The following EYA1 variants were observed in gnomAD, a reference collection of about 807,000 sequenced individuals.
EYA1 encodes the protein protein phosphatase EYA1.
A neutral mutation model predicts 82.0 loss-of-function variants in EYA1; 16 were observed. That is an observed-to-expected ratio of 0.20 (90% CI 0.13 to 0.30). The LOEUF (loss-of-function observed/expected upper bound fraction) is 0.30. Among genes scored for constraint, EYA1 ranks in the 10% least tolerant of loss-of-function variants. The pLI is 1.00. For synonymous variants in EYA1, 261 were observed against 264.4 expected (o/e 0.99, Z 0.12); for missense variants, 633 against 730.7 (o/e 0.87, Z 1.54).
At chr8:71,520,417 A>C (rs1181414758) in intron 2 of EYA1, among the ~76,000 whole-genome samples, 2 of 152,202 alleles carry the variant, frequency 1.3e-5, no homozygotes, top group Non-Finnish European at 2.9e-5. Flanking sequence ...GCAAAAAAGA[A>C]AATAAACTTC....
rs566996070 is a variant in EYA1, at chr8:71,420,273, A to G, written c.34-63762T>C. Among the ~76,000 whole-genome samples, 202 of 152,334 alleles carry G rather than the reference A, an allele frequency of 1.3e-3. 2 individuals carry two copies. Among genetic ancestry groups the G allele is most frequent in the African/African-American group, 4.7e-3 (197 of 41,582 alleles). On this transcript the variant is annotated intron_variant, in intron 2 of 18. Coordinates refer to the EYA1 transcript ENST00000643681. ...TACTATACTGAAGAAAGTAATTCAC[A>G]TGGGTGCATGCATTATTTAATGAAT...
At chr8:71,287,550 A>G (rs567923542) in intron 9 of EYA1, among the ~76,000 whole-genome samples, 125 of 152,338 alleles carry the variant, frequency 8.2e-4, no homozygotes, top group Non-Finnish European at 5.0e-4. Context: ...ATCTCTGGAT[A>G]ACCTGGTAGA....
chr8:71,281,621 G>C (rs979506057), intron 9 of EYA1, among the ~76,000 whole-genome samples: 1 of 152,222 alleles, frequency 6.6e-6, no homozygotes. Context: ...TGTGATTCTT[G>C]CATCACTGGG....
At chr8:71,503,127 C>T (rs1276934147) in intron 2 of EYA1, among the ~76,000 whole-genome samples, 1 of 152,032 alleles carries the variant, frequency 6.6e-6, no homozygotes, top group Non-Finnish European at 1.5e-5. Flanking sequence ...TCCTGACTTA[C>T]AGGGGCCTTT....
At chr8:71,513,805 A>C (rs1295650839) in intron 2 of EYA1, among the ~76,000 whole-genome samples, 1 of 151,854 alleles carries the variant, frequency 6.6e-6, no homozygotes, top group Non-Finnish European at 1.5e-5. Context: ...AGTTCAATTA[A>C]TTTGATTTTT....
At chr8:71,331,285 C>CAT (rs1554554475) in intron 4 of EYA1, among the ~76,000 whole-genome samples, 4,991 of 126,818 alleles carry the variant, frequency 0.039, 151 homozygotes, top group Middle Eastern at 0.061. Flanking sequence ...CACACACACA[C>CAT]ATATATATAC....
At chr8:71,290,447 G>A (rs962074902) in intron 9 of EYA1, among the ~76,000 whole-genome samples, 7 of 152,054 alleles carry the variant, frequency 4.6e-5, no homozygotes, top group African/African-American at 1.7e-4. Context: ...GTTTGGGAGG[G>A]TTAATAAACT....
At chr8:71,508,093 C>T (rs920410405) in intron 2 of EYA1, among the ~76,000 whole-genome samples, 3 of 152,196 alleles carry the variant, frequency 2.0e-5, no homozygotes, top group Non-Finnish European at 4.4e-5. Context: ...TAATGCCACT[C>T]ACTACCCAAG....
At position 71,299,706 on chromosome 8, in the gene EYA1, T is replaced by A. The variant is rs1418597577; in HGVS notation, c.571A>T (p.Thr191Ser). 2 of 1,554,954 alleles carry A rather than the reference T, an allele frequency of 1.3e-6. No homozygotes were observed. Among genetic ancestry groups the A allele is most frequent in the Non-Finnish European group, 1.8e-6 (2 of 1,127,364 alleles). ...SYQMQGSSFT[T>S]SSGIYTGNNS... is the part of the protein sequence containing the mutation. The stretch of plus-strand genomic sequence containing the variant: ...TTTCCTGTATATATTCCTGATGATG[T>A]TGTAAAACTGCTACCTAAAACAAAA... The change falls in exon 8 of 18, where the codon ACA (threonine) becomes TCA (serine). Residue 191 changes from threonine to serine, a missense_variant. Physicochemically the swap from Thr to Ser is moderately conservative, Grantham distance 58. Coordinates refer to ENST00000340726, the MANE Select transcript of EYA1 (RefSeq NM_000503.6).
chr8:71,335,768 G>A (rs1824412434), intron 3 of EYA1, among the ~76,000 whole-genome samples: 1 of 151,878 alleles, frequency 6.6e-6, no homozygotes, highest in African/African-American at 2.4e-5. Flanking sequence ...TTCTTACTTA[G>A]CTGTCCACAT....
intron 2 of EYA1, among the ~76,000 whole-genome samples, chr8:71,392,026 C>T (rs111454204): frequency 7.7e-4 from 107 of 139,706 alleles, no homozygotes; most frequent in African/African-American, 2.8e-3. Flanking sequence ...TGGGGCCTGC[C>T]CTTGAGTCAA....
intron 2 of EYA1, among the ~76,000 whole-genome samples, chr8:71,396,359 T>C (rs903263980): frequency 6.6e-6 from 1 of 152,150 alleles, no homozygotes; most frequent in Non-Finnish European, 1.5e-5. Flanking sequence ...GCTCTTGCTT[T>C]TCTAGTTCTT....
In EYA1 at chr8:71,271,911, G is replaced by A. The variant is rs1326308490; in HGVS notation, c.827-14C>T. The A allele has an allele frequency of 6.2e-7, 1 of 1,613,996 alleles. No individual in the cohort carries two copies. The highest frequency in any genetic ancestry group is 8.5e-7 in the Non-Finnish European group (1 of 1,179,978). Reference sequence around the variant, plus strand: ...TTGTGCTGTACTCTGCAGGAATATAGGAAGGACTTTCATCTTTTATTTCCA... The same window carrying A: ...TTGTGCTGTACTCTGCAGGAATATAAGAAGGACTTTCATCTTTTATTTCCA... On this transcript the variant is annotated splice_polypyrimidine_tract_variant and intron_variant, in intron 9 of 17. Coordinates refer to ENST00000340726, the MANE Select transcript of EYA1 (RefSeq NM_000503.6).
intron 2 of EYA1, among the ~76,000 whole-genome samples, chr8:71,400,397 T>C (rs1216699165): frequency 3.3e-5 from 5 of 151,996 alleles, no homozygotes; most frequent in African/African-American, 1.2e-4. Flanking sequence ...AATCTACCAG[T>C]CTGACAAAGG....
chr8:71,322,510 A>G, intron 4 of EYA1: 1 of 517,368 alleles, frequency 1.9e-6, no homozygotes, highest in Non-Finnish European at 3.5e-6. Flanking sequence ...AGAAAACGTC[A>G]TCACAATCTT....
At chr8:71,277,250 A>T (rs1483893856) in intron 9 of EYA1, among the ~76,000 whole-genome samples, 1 of 150,220 alleles carries the variant, frequency 6.7e-6, no homozygotes, top group Non-Finnish European at 1.5e-5. Context: ...GGGACCTGCA[A>T]TATATATCTC....
chr8:71,266,992 A>G (rs1347289910), intron 11 of EYA1, among the ~76,000 whole-genome samples: 1 of 152,192 alleles, frequency 6.6e-6, no homozygotes, highest in Non-Finnish European at 1.5e-5. Context: ...CAGAGTCCAA[A>G]TAATTCTTTC....
chr8:71,471,678 C>T (rs1273234084), intron 2 of EYA1, among the ~76,000 whole-genome samples: 1 of 152,072 alleles, frequency 6.6e-6, no homozygotes, highest in Non-Finnish European at 1.5e-5. Flanking sequence ...GCACATTCCT[C>T]ACAGCATGGA....
intron 2 of EYA1, among the ~76,000 whole-genome samples, chr8:71,534,101 T>C (rs1283714443): frequency 6.6e-6 from 1 of 152,246 alleles, no homozygotes; most frequent in Non-Finnish European, 1.5e-5. Context: ...GAAACATTAT[T>C]GGCAGTATTT....
Sources: gnomAD v4.1 joint callset for allele counts (sites outside exome capture counted in the v4.1 genomes callset) on GRCh38, gnomAD v4.1.1 for gene constraint, MANE v1.5 for transcripts, NCBI Gene and HGNC (gene_info 2026-07-23, HGNC 2026-07-21) for gene names.